The following PLEKHH2 variants were observed in gnomAD, a reference collection of about 807,000 sequenced individuals.
PLEKHH2 encodes pleckstrin homology, MyTH4 and FERM domain containing H2.
Under a neutral mutation model 187.9 loss-of-function variants are expected in PLEKHH2, and 129 were observed. That is an observed-to-expected ratio of 0.69 (90% confidence interval 0.59 to 0.79). The LOEUF (loss-of-function observed/expected upper bound fraction) is 0.79. PLEKHH2 is among the 30% of genes least tolerant of loss of function. PLEKHH2 has a pLI of 0.00. For synonymous variants in PLEKHH2, 686 were observed against 605.6 expected (o/e 1.13, Z -1.95); for missense variants, 2,076 against 1,751.2 (o/e 1.19, Z -3.31).
At chr2:43,723,862 C>T (rs977558915) in intron 16 of PLEKHH2, among the ~76,000 whole-genome samples, 4 of 151,984 alleles carry the variant, frequency 2.6e-5, no homozygotes, top group African/African-American at 9.7e-5. Flanking sequence ...TAAGAATAGA[C>T]CGGAGGGAAT....
At chr2:43,680,984 G>A in intron 3 of PLEKHH2, 1 of 1,189,240 alleles carries the variant, frequency 8.4e-7, no homozygotes, top group Non-Finnish European at 1.2e-6. Context: ...TTCCGTTACT[G>A]TTGTTCATAT....
chr2:43,656,492 A>G (rs1666773842), intron 2 of PLEKHH2, among the ~76,000 whole-genome samples: 1 of 152,098 alleles, frequency 6.6e-6, no homozygotes, highest in Non-Finnish European at 1.5e-5. Context: ...TGTCAAAATG[A>G]GAGTGGCTTC....
At chr2:43,656,976 G>A (rs1052192703) in intron 2 of PLEKHH2, among the ~76,000 whole-genome samples, 28 of 152,162 alleles carry the variant, frequency 1.8e-4, no homozygotes, top group African/African-American at 6.8e-4. Flanking sequence ...CCGAGATCGC[G>A]CCATTGCACT....
intron 24 of PLEKHH2, among the ~76,000 whole-genome samples, chr2:43,749,168 G>C (rs535244649): frequency 6.6e-6 from 1 of 152,312 alleles, no homozygotes; most frequent in East Asian, 1.9e-4. Context: ...GGATATGAAA[G>C]ACAGGTAAAA....
intron 16 of PLEKHH2, among the ~76,000 whole-genome samples, chr2:43,724,778 C>G (rs1161051330): frequency 6.6e-6 from 1 of 152,128 alleles, no homozygotes; most frequent in Non-Finnish European, 1.5e-5. Flanking sequence ...GATCCAATAA[C>G]TTAATCAAAT....
intron 17 of PLEKHH2, among the ~76,000 whole-genome samples, chr2:43,729,236 C>T (rs1021826079): frequency 3.3e-5 from 5 of 152,202 alleles, no homozygotes; most frequent in Admixed American, 6.5e-5. Flanking sequence ...TGGGATAAGA[C>T]GGGTATTATG....
At chr2:43,683,172 T>C (rs1392397131) in intron 3 of PLEKHH2, among the ~76,000 whole-genome samples, 1 of 115,430 alleles carries the variant, frequency 8.7e-6, no homozygotes, top group Non-Finnish European at 1.8e-5. Flanking sequence ...TGAGATGGAG[T>C]TTTGCTCTTG....
intron 5 of PLEKHH2, 69 bp downstream of exon 5, chr2:43,694,583 A>G: frequency 6.9e-7 from 1 of 1,440,762 alleles, no homozygotes; most frequent in Non-Finnish European, 9.3e-7. Context: ...TCATCAGAAT[A>G]TGTGATTACT....
chr2:43,654,712 C>CT (rs1476757423), intron 2 of PLEKHH2, among the ~76,000 whole-genome samples: 2 of 95,270 alleles, frequency 2.1e-5, no homozygotes, highest in African/African-American at 4.0e-5. Context: ...ACACCCCCCC[C>CT]CCCCGCATCT....
At chr2:43,677,833 C>T (rs577348127) in intron 2 of PLEKHH2, among the ~76,000 whole-genome samples, 1 of 143,554 alleles carries the variant, frequency 7.0e-6, no homozygotes, top group South Asian at 2.2e-4. Flanking sequence ...GGGGGCTGAC[C>T]CCCCCCCACC....
Position 43,710,584 on chromosome 2 carries a change from CTTTTT to C in PLEKHH2, c.2301+29_2301+33del, listed in dbSNP as rs376851824. On this transcript the variant is annotated intron_variant, in intron 14 of 29. Coordinates refer to ENST00000282406, the MANE Select transcript of PLEKHH2 (RefSeq NM_172069.4). The stretch of plus-strand genomic sequence containing the variant: ...ACAAACAAACAGTTCAGGTACTTAA[CTTTTT>C]TTTTTTTTTTTTTTTTTTTGTATCA... 23,290 of 1,233,890 alleles carry C rather than the reference CTTTTT, an allele frequency of 0.019. 18 individuals carry two copies. Among genetic ancestry groups the C allele is most frequent in the Non-Finnish European group, 0.021 (20,290 of 965,024 alleles). 76.4% of individuals were successfully genotyped at this position (1,233,890 alleles called of 1,614,324 possible).
At chr2:43,720,086 A>G (rs935254157) in intron 15 of PLEKHH2, among the ~76,000 whole-genome samples, 1 of 152,132 alleles carries the variant, frequency 6.6e-6, no homozygotes, top group African/African-American at 2.4e-5. Context: ...CTTTTAGGAT[A>G]CCCATCACTC....
In PLEKHH2 at chr2:43,696,041, T is replaced by A. The variant is rs114481369; in HGVS notation, c.502+817T>A. Among the ~76,000 whole-genome samples the A allele has an allele frequency of 2.6e-3, 397 of 152,364 alleles. 4 individuals carry two copies. The highest frequency in any genetic ancestry group is 9.2e-3 in the African/African-American group (384 of 41,586). ...CCAGTGTTCTAATCCTTTCCCCATA[T>A]GGATCTTCTAGATGAGGGTTTGAAT... On this transcript the variant is annotated intron_variant, in intron 6 of 29. Transcript: ENST00000282406.
intron 15 of PLEKHH2, among the ~76,000 whole-genome samples, chr2:43,718,180 A>G (rs1670303199): frequency 1.3e-5 from 2 of 152,214 alleles, no homozygotes; most frequent in South Asian, 4.1e-4. Flanking sequence ...GGTTGCCTTT[A>G]AATTTTCGTG....
intron 16 of PLEKHH2, among the ~76,000 whole-genome samples, chr2:43,724,777 A>G (rs1670657879): frequency 6.6e-6 from 1 of 152,200 alleles, no homozygotes; most frequent in African/African-American, 2.4e-5. Context: ...TGATCCAATA[A>G]CTTAATCAAA....
At chr2:43,713,679 T>G (rs2104525572) in intron 15 of PLEKHH2, among the ~76,000 whole-genome samples, 1 of 149,238 alleles carries the variant, frequency 6.7e-6, no homozygotes, top group East Asian at 1.9e-4. Flanking sequence ...TTTTTTACAA[T>G]GAGTAAGTAT....
intron 29 of PLEKHH2, 137 bp downstream of exon 29, chr2:43,764,502 CA>C: frequency 1.2e-6 from 1 of 864,950 alleles, no homozygotes; most frequent in South Asian, 2.0e-5. Flanking sequence ...GATGGGAAAA[CA>C]GACGTTATTT....
chr2:43,729,471 G>C (rs542970598), intron 17 of PLEKHH2, among the ~76,000 whole-genome samples, 166 bp from the exon 18 acceptor site: 275 of 152,306 alleles, frequency 1.8e-3, no homozygotes, highest in African/African-American at 6.3e-3. Context: ...CAGTTCAAGT[G>C]AGCATGCCTC....
intron 1 of PLEKHH2, among the ~76,000 whole-genome samples, chr2:43,641,293 T>A: frequency 6.6e-6 from 1 of 152,198 alleles, no homozygotes. Context: ...ATCTATTTTT[T>A]CTTCGATTCC....
Sources: gnomAD v4.1 joint callset for allele counts (sites outside exome capture counted in the v4.1 genomes callset) on GRCh38, gnomAD v4.1.1 for gene constraint, MANE v1.5 for transcripts, NCBI Gene and HGNC (gene_info 2026-07-23, HGNC 2026-07-21) for gene names.